NUFIP2: variants seen among roughly 807,000 people sequenced by gnomAD.
NUFIP2 encodes the protein FMR1-interacting protein NUFIP2.
NUFIP2 carries 6 observed loss-of-function variants against 56.9 expected under a neutral mutation model. The ratio of observed to expected loss-of-function variants is 0.11; its 90% CI spans 0.06 to 0.21. The LOEUF (loss-of-function observed/expected upper bound fraction) is 0.21, where lower values mean the gene tolerates loss of function less well. NUFIP2 is among the 10% of genes least tolerant of loss of function. The pLI is 1.00. For synonymous variants in NUFIP2, 321 were observed against 298.2 expected (o/e 1.08, Z -0.79); for missense variants, 828 against 826.8 (o/e 1.00, Z -0.02).
Position 29,286,814 on chromosome 17 carries a change from A to T in NUFIP2, c.1180T>A (p.Ser394Thr), listed in dbSNP as rs142970346. Residue 394 changes from serine to threonine, a missense_variant, in exon 2 of 4, where the codon TCA becomes ACA. Ser to Thr is a moderately conservative substitution (Grantham distance 58). This residue lies in a region of NUFIP2 where 404 missense variants were observed against 380.3 expected (regional missense o/e 1.06). Coordinates refer to ENST00000225388, the MANE Select transcript of NUFIP2 (RefSeq NM_020772.3). ...GGGACCTGGGATAAGCGACTTGATG[A>T]TTGGGTCTGAGTTTCCCCGGTAGAT... ...SSSTGETQTQ[S>T]SSRLSQVPMS... 285 of 1,614,180 alleles carry T rather than the reference A, an allele frequency of 1.8e-4. 1 individual carries two copies. The African/African-American group carries it at 3.5e-3, about 20-fold the overall frequency.
intron 2 of NUFIP2, among the ~76,000 whole-genome samples, chr17:29,278,285 C>A (rs1253010452): frequency 2.6e-5 from 4 of 151,586 alleles, no homozygotes; most frequent in African/African-American, 7.3e-5. Flanking sequence ...CTCGCTCTGT[C>A]CCCCAGGCTA....
At chr17:29,293,720 C>T in intron 1 of NUFIP2, 63 bp downstream of exon 1, 1 of 1,401,620 alleles carries the variant, frequency 7.1e-7, no homozygotes, top group African/African-American at 1.4e-5. Context: ...GATCCAGCCC[C>T]ACCCCCATCT....
rs773888588 is a variant in NUFIP2 at position 29,257,399 on chromosome 17, C to T, written c.*7140G>A. 11 of 152,078 alleles carry T rather than the reference C, an allele frequency of 7.2e-5. No individual in the cohort carries two copies. The highest frequency in any genetic ancestry group is 1.3e-4 in the Non-Finnish European group (9 of 68,004). 9.4% of individuals were successfully genotyped at this position (152,078 alleles called of 1,614,324 possible). On this transcript the variant is annotated 3_prime_UTR_variant, in exon 4 of 4. Coordinates refer to ENST00000225388, the MANE Select transcript of NUFIP2 (RefSeq NM_020772.3). The stretch of plus-strand genomic sequence containing the variant: ...TAGATCTAACCTTTTCACGGAGCTT[C>T]GGCAAAATTCGAGTGTGCAAAATGC...
rs10550408 is a variant in NUFIP2, at chr17:29,259,589, T to TGG, written c.*4948_*4949dup. ...ACAGTCCGTCTCAAAAAAAAAAAGG[T>TGG]GGGGGGGGGGGGGATACTGCAGTAT... On this transcript the variant is annotated 3_prime_UTR_variant, in exon 4 of 4. Coordinates refer to ENST00000225388, the MANE Select transcript of NUFIP2 (RefSeq NM_020772.3). 4.7e-5 allele frequency: 5 copies of TGG among 107,032 alleles called. No homozygotes were observed. The highest frequency in any genetic ancestry group is 7.1e-5 in the African/African-American group (2 of 28,180). The allele number at this position is 107,032 out of a possible 1,614,324, so 6.6% of individuals were successfully genotyped here.
At chr17:29,273,103 G>A (rs1032023119) in intron 2 of NUFIP2, among the ~76,000 whole-genome samples, 2 of 149,658 alleles carry the variant, frequency 1.3e-5, no homozygotes, top group African/African-American at 2.5e-5. Context: ...GCAATGGTGA[G>A]ATCTCGGCTC....
chr17:29,268,992 A>AT (rs2069055977), intron 2 of NUFIP2, among the ~76,000 whole-genome samples: 1 of 152,228 alleles, frequency 6.6e-6, no homozygotes, highest in South Asian at 2.1e-4. Flanking sequence ...TTATAGCGAC[A>AT]TACACAGAGA....
rs1350052919 is a variant in NUFIP2 at position 29,262,379 on chromosome 17, T to TA, written c.*2159dup. The TA allele has an allele frequency of 6.6e-6, 1 of 151,480 alleles. No homozygotes were observed. The highest frequency in any genetic ancestry group is 1.5e-5 in the Non-Finnish European group (1 of 67,874). The allele number at this position is 151,480 out of a possible 1,614,324, so 9.4% of individuals were successfully genotyped here. On this transcript the variant is annotated 3_prime_UTR_variant, in exon 4 of 4. Transcript: ENST00000225388. The stretch of plus-strand genomic sequence containing the variant: ...AATCAACCTTATATGTCTTTTTTTT[T>TA]AACTTTTTGAAAATTTTTATTTAAA...
intron 2 of NUFIP2, among the ~76,000 whole-genome samples, chr17:29,280,407 G>A (rs538220439): frequency 1.3e-5 from 2 of 152,328 alleles, no homozygotes; most frequent in South Asian, 4.1e-4. Flanking sequence ...AGAAGGCACA[G>A]TTATATGTCC....
At chr17:29,277,034 GTTTGTT>G (rs1373171262) in intron 2 of NUFIP2, among the ~76,000 whole-genome samples, 5 of 152,190 alleles carry the variant, frequency 3.3e-5, no homozygotes, top group Admixed American at 3.3e-4. Context: ...ATAGAACATT[GTTTGTT>G]TTTGGAGACA....
chr17:29,280,994 G>C (rs1260983418), intron 2 of NUFIP2, among the ~76,000 whole-genome samples: 1 of 151,418 alleles, frequency 6.6e-6, no homozygotes, highest in Non-Finnish European at 1.5e-5. Context: ...CCAAAAAAAA[G>C]AAAGGAAAAG....
At chr17:29,283,071 G>A (rs940779189) in intron 2 of NUFIP2, among the ~76,000 whole-genome samples, 4 of 152,102 alleles carry the variant, frequency 2.6e-5, no homozygotes, top group African/African-American at 9.7e-5. Flanking sequence ...TTCCAATCAT[G>A]TCCAAATACA....
chr17:29,272,385 C>T (rs1439919937), intron 2 of NUFIP2, among the ~76,000 whole-genome samples: 7 of 151,674 alleles, frequency 4.6e-5, no homozygotes, highest in African/African-American at 7.3e-5. Context: ...AGACTACAGG[C>T]GCATGCCACC....
At chr17:29,293,672 C>G (rs1279477183) in intron 1 of NUFIP2, 111 bp downstream of exon 1, 53 of 600,902 alleles carry the variant, frequency 8.8e-5, no homozygotes, top group Non-Finnish European at 1.2e-4. Context: ...CCGGAGGGGA[C>G]ACACACACAC....
chr17:29,290,775 T>C (rs2069207270), intron 1 of NUFIP2, among the ~76,000 whole-genome samples: 1 of 152,156 alleles, frequency 6.6e-6, no homozygotes, highest in South Asian at 2.1e-4. Context: ...GGATAAGACC[T>C]ACCTGTATCA....
At chr17:29,293,738 C>A in intron 1 of NUFIP2, 45 bp downstream of exon 1, 1 of 1,165,786 alleles carries the variant, frequency 8.6e-7, no homozygotes, top group Non-Finnish European at 1.2e-6. Flanking sequence ...TCTCTCCTGT[C>A]CTCCACCCCC....
chr17:29,287,308 T>C lies in NUFIP2; in HGVS notation c.686A>G (p.Asn229Ser), dbSNP rs767616276. The change falls in exon 2 of 4, where the codon AAT becomes AGT. Residue 229 changes from asparagine to serine, a missense_variant. Physicochemically the swap from Asn to Ser is conservative, Grantham distance 46. Coordinates refer to ENST00000225388, the MANE Select transcript of NUFIP2 (RefSeq NM_020772.3). ...AAGGTTTTCACAACCCTTGGCACTA[T>C]TGCGCCTAGCTTTCCTTTTTTTAGG... Reference protein sequence around the residue: ...TTPKKRKARRNSAKGCENLNI... With the variant: ...TTPKKRKARRSSAKGCENLNI... 1.2e-5 allele frequency: 19 copies of C among 1,614,108 alleles called. No individual in the cohort carries two copies. The highest frequency in any genetic ancestry group is 6.6e-5 in the South Asian group (6 of 91,086).
At position 29,258,038 on chromosome 17, in the gene NUFIP2, A is replaced by C. The variant is rs190172020; in HGVS notation, c.*6501T>G. The C allele has an allele frequency of 1.2e-4, 19 of 152,318 alleles. No individual in the cohort carries two copies. Among genetic ancestry groups the C allele is most frequent in the Non-Finnish European group, 2.4e-4 (16 of 68,000 alleles). The allele number at this position is 152,318 out of a possible 1,614,324, so 9.4% of individuals were successfully genotyped here. On this transcript the variant is annotated 3_prime_UTR_variant, in exon 4 of 4. Transcript: ENST00000225388. ...AGTGAGGTGGTAAGAACCATCGACT[A>C]TCTCAGGCATTACTACATGGCGTTT...
At chr17:29,292,611 C>G (rs554950301) in intron 1 of NUFIP2, among the ~76,000 whole-genome samples, 1 of 150,466 alleles carries the variant, frequency 6.6e-6, no homozygotes, top group Admixed American at 6.6e-5. Context: ...CCGCCGCCCC[C>G]CCAGGCCTCC....
At chr17:29,272,170 T>C (rs1237178516) in intron 2 of NUFIP2, among the ~76,000 whole-genome samples, 2 of 150,816 alleles carry the variant, frequency 1.3e-5, no homozygotes, top group Non-Finnish European at 2.9e-5. Context: ...AGGAAAGGGC[T>C]GACATTACCT....
Sources: allele counts gnomAD v4.1 joint callset (sites outside exome capture counted in the v4.1 genomes callset), GRCh38; gene constraint gnomAD v4.1.1; regional missense constraint gnomAD v4.1.1; transcripts MANE v1.5; gene names NCBI Gene and HGNC (gene_info 2026-07-23, HGNC 2026-07-21).